C2CD5: variants seen among roughly 807,000 people sequenced by gnomAD.
C2CD5 encodes C2 calcium dependent domain containing 5.
Under a neutral mutation model 130.3 loss-of-function variants are expected in C2CD5, and 109 were observed. The ratio of observed to expected loss-of-function variants is 0.84; its 90% CI spans 0.72 to 0.98. C2CD5 has a LOEUF of 0.98. Among genes scored for constraint, C2CD5 ranks in the 50% least tolerant of loss-of-function variants. The pLI, the probability that C2CD5 is intolerant of heterozygous loss-of-function variation, is 0.00. For synonymous variants in C2CD5, 454 were observed against 429.2 expected, an observed-to-expected ratio of 1.06 and a Z score of -0.71; for missense variants, 996 against 1,261.8, an observed-to-expected ratio of 0.79 and a Z score of 3.19.
intron 2 of C2CD5, among the ~76,000 whole-genome samples, chr12:22,539,992 CAAAA>C (rs59902224): frequency 1.1e-5 from 1 of 90,784 alleles, no homozygotes; most frequent in African/African-American, 3.9e-5. Context: ...AGCTCCGTCT[CAAAA>C]AAAAAAAAAA....
Position 22,478,284 on chromosome 12 carries a change from C to T in C2CD5, c.1902+29G>A. 3.2e-6 allele frequency: 5 copies of T among 1,551,766 alleles called. No individual in the cohort carries two copies. The South Asian group carries it at 3.3e-5, about 10-fold the overall frequency. ...ATATACTAATAAACAATAACTGATA[C>T]ATTCACAATGTAGGTTTGTTTTACT... On this transcript the variant is annotated intron_variant, in intron 15 of 26. Coordinates refer to ENST00000446597, the MANE Select transcript of C2CD5 (RefSeq NM_001286176.2).
chr12:22,505,440 A>C (rs1948404814), intron 10 of C2CD5, among the ~76,000 whole-genome samples: 1 of 151,530 alleles, frequency 6.6e-6, no homozygotes, highest in Non-Finnish European at 1.5e-5. Flanking sequence ...TATTTTTAGT[A>C]TTTTACAGGC....
At chr12:22,503,965 T>C (rs1240902717) in intron 10 of C2CD5, among the ~76,000 whole-genome samples, 1 of 152,204 alleles carries the variant, frequency 6.6e-6, no homozygotes, top group Non-Finnish European at 1.5e-5. Flanking sequence ...AATCCATTAA[T>C]AACTGAGAAT....
At chr12:22,512,542 G>T in intron 9 of C2CD5, 4 of 805,560 alleles carry the variant, frequency 5.0e-6, no homozygotes, top group Non-Finnish European at 7.5e-6. Context: ...AAAGAAAAAC[G>T]CTGTCAACAT....
intron 11 of C2CD5, among the ~76,000 whole-genome samples, chr12:22,492,971 T>C (rs1288102739): frequency 6.6e-6 from 1 of 152,174 alleles, no homozygotes; most frequent in Non-Finnish European, 1.5e-5. Context: ...CTGATGTAAA[T>C]GATTAATTGA....
intron 16 of C2CD5, 90 bp from the exon 17 acceptor site, chr12:22,472,897 C>CAG: frequency 1.3e-6 from 1 of 759,690 alleles, no homozygotes; most frequent in Non-Finnish European, 2.2e-6. Flanking sequence ...CAAGAAAAGG[C>CAG]AGAGTCATTT....
intron 10 of C2CD5, among the ~76,000 whole-genome samples, chr12:22,504,148 C>T (rs994244993): frequency 2.6e-5 from 4 of 151,852 alleles, no homozygotes; most frequent in Non-Finnish European, 4.4e-5. Flanking sequence ...ATAAAATAAA[C>T]CCCAAAATGC....
rs373444783 is a variant in C2CD5, at chr12:22,509,034, GC to G, written c.1039-2216del. On this transcript the variant is annotated intron_variant, in intron 9 of 26. Coordinates refer to ENST00000446597, the MANE Select transcript of C2CD5 (RefSeq NM_001286176.2). ...TGGGACTACAGGCGCCCGCCACCGCGCCCGGCTAATTTTTTGTATTTTTTTA... is the reference window on the plus strand; with the variant it reads ...TGGGACTACAGGCGCCCGCCACCGCGCCGGCTAATTTTTTGTATTTTTTTA... Among the ~76,000 whole-genome samples the G allele has an allele frequency of 1.3e-4, 19 of 151,582 alleles. 1 individual carries two copies. The highest frequency in any genetic ancestry group is 4.4e-4 in the African/African-American group (18 of 41,300).
At chr12:22,462,656 G>A (rs1442128690) in intron 22 of C2CD5, among the ~76,000 whole-genome samples, 3 of 152,182 alleles carry the variant, frequency 2.0e-5, no homozygotes, top group African/African-American at 7.2e-5. Flanking sequence ...TACGTCTAAA[G>A]TCTGAGACTT....
At chr12:22,543,823 C>T (rs1565829605) in intron 2 of C2CD5, among the ~76,000 whole-genome samples, 1 of 152,178 alleles carries the variant, frequency 6.6e-6, no homozygotes, top group Admixed American at 6.5e-5. Flanking sequence ...GTCACCCCCG[C>T]ATGCACAACA....
intron 3 of C2CD5, among the ~76,000 whole-genome samples, chr12:22,528,353 C>G (rs61376809): frequency 1.3e-5 from 2 of 152,134 alleles, no homozygotes; most frequent in Non-Finnish European, 2.9e-5. Context: ...GAAAAAACAA[C>G]CTAAGTTCAC....
chr12:22,463,623 G>A (rs1941573444), intron 22 of C2CD5: 1 of 152,090 alleles, frequency 6.6e-6, no homozygotes, highest in Non-Finnish European at 1.5e-5. Flanking sequence ...TAAATTACAC[G>A]GTCTCAAGTG....
intron 11 of C2CD5, among the ~76,000 whole-genome samples, chr12:22,491,041 A>G (rs1285972546): frequency 2.0e-5 from 3 of 152,366 alleles, no homozygotes; most frequent in Middle Eastern, 3.4e-3. Flanking sequence ...GAATAACATG[A>G]AACCACTGAT....
intron 26 of C2CD5, among the ~76,000 whole-genome samples, chr12:22,452,240 A>G (rs76001330): frequency 0.021 from 3,238 of 152,276 alleles, 111 homozygotes; most frequent in African/African-American, 0.074. Flanking sequence ...GATCTAATAG[A>G]TGCGTTCTTT....
intron 9 of C2CD5, among the ~76,000 whole-genome samples, chr12:22,510,688 T>C (rs1318187327): frequency 6.6e-6 from 1 of 152,216 alleles, no homozygotes; most frequent in African/African-American, 2.4e-5. Flanking sequence ...CAAAATGTGT[T>C]CCTCACTAAC....
At chr12:22,451,956 T>G (rs1805940996) in intron 26 of C2CD5, among the ~76,000 whole-genome samples, 1 of 152,190 alleles carries the variant, frequency 6.6e-6, no homozygotes, top group Non-Finnish European at 1.5e-5. Flanking sequence ...TATTAACTCA[T>G]GATTTCCCCA....
At chr12:22,452,957 T>C (rs899714555) in intron 26 of C2CD5, among the ~76,000 whole-genome samples, 1 of 152,182 alleles carries the variant, frequency 6.6e-6, no homozygotes, top group Non-Finnish European at 1.5e-5. Context: ...ACTGCTTATA[T>C]ATTTATGACA....
intron 3 of C2CD5, among the ~76,000 whole-genome samples, chr12:22,533,640 G>C (rs1951529917): frequency 1.3e-5 from 2 of 152,130 alleles, no homozygotes; most frequent in Admixed American, 6.5e-5. Flanking sequence ...ATGAGTGATA[G>C]GGACCTCTAC....
chr12:22,535,100 C>G, intron 3 of C2CD5, 158 bp downstream of exon 3: 1 of 610,234 alleles, frequency 1.6e-6, no homozygotes, highest in Non-Finnish European at 2.9e-6. Context: ...TGTAATACAA[C>G]TTTTTTTAGA....
Sources: gnomAD v4.1 joint callset for allele counts (sites outside exome capture counted in the v4.1 genomes callset) on GRCh38, gnomAD v4.1.1 for gene constraint, MANE v1.5 for transcripts, NCBI Gene and HGNC (gene_info 2026-07-23, HGNC 2026-07-21) for gene names.